GLMN: variants seen among roughly 807,000 people sequenced by gnomAD.
GLMN encodes glomulin.
Under a neutral mutation model 87.8 loss-of-function variants are expected in GLMN, and 75 were observed. The observed-to-expected ratio is 0.85, with a 90% CI of 0.71 to 1.04. GLMN has a LOEUF of 1.04. Ranked by LOEUF, GLMN falls within the 50% of genes least tolerant of loss-of-function variation. GLMN has a pLI of 0.00. For synonymous variants in GLMN, 206 were observed against 221.6 expected (o/e 0.93, Z 0.63); for missense variants, 588 against 658.8 (o/e 0.89, Z 1.18).
upstream of GLMN, among the ~76,000 whole-genome samples, chr1:92,302,703 G>A (rs565344602): frequency 2.3e-3 from 313 of 138,702 alleles, no homozygotes; most frequent in African/African-American, 7.9e-3. Context: ...CCGTGTTCAC[G>A]CCATTCTCCT....
the GLMN span, among the ~76,000 whole-genome samples, chr1:92,306,084 T>C: frequency 1.4e-3 from 215 of 152,336 alleles, no homozygotes; most frequent in African/African-American, 5.0e-3. Context: ...ACAAGGTGGA[T>C]GAACCTTGAA....
chr1:92,321,463 T>C, the GLMN span, among the ~76,000 whole-genome samples: 1 of 150,658 alleles, frequency 6.6e-6, no homozygotes, highest in South Asian at 2.1e-4. Flanking sequence ...TTTCAACTTT[T>C]ATATATATAT....
the GLMN span, chr1:92,336,331 A>T: frequency 6.3e-7 from 1 of 1,581,870 alleles, no homozygotes; most frequent in African/African-American, 1.4e-5. Flanking sequence ...AATAAATGTA[A>T]TTTTTAAATT....
chr1:92,339,858 T>A, the GLMN span, among the ~76,000 whole-genome samples: 5 of 152,146 alleles, frequency 3.3e-5, no homozygotes, highest in African/African-American at 1.2e-4. Context: ...TGGCTCTAAG[T>A]CCCTTCTAGT....
intron 7 of GLMN, among the ~76,000 whole-genome samples, chr1:92,281,020 T>C (rs781717347): frequency 6.6e-6 from 1 of 152,076 alleles, no homozygotes; most frequent in Non-Finnish European, 1.5e-5. Context: ...ACAGGGAGAA[T>C]GGAACAAAGT....
At chr1:92,321,136 G>A in the GLMN span, among the ~76,000 whole-genome samples, 2 of 152,144 alleles carry the variant, frequency 1.3e-5, no homozygotes, top group African/African-American at 4.8e-5. Flanking sequence ...TTAACTCTCA[G>A]AATAAATGTT....
At chr1:92,269,866 C>T (rs1656054237) in intron 8 of GLMN, 90 bp from the exon 9 acceptor site, 1 of 876,472 alleles carries the variant, frequency 1.1e-6, no homozygotes, top group Non-Finnish European at 1.9e-6. Flanking sequence ...AATTGTATCT[C>T]CCCCAAAAAA....
chr1:92,264,877 T>C (rs1232416602), intron 13 of GLMN, among the ~76,000 whole-genome samples: 1 of 152,248 alleles, frequency 6.6e-6, no homozygotes, highest in East Asian at 1.9e-4. Context: ...AGTCTCGCCC[T>C]GTCGCCCAGG....
chr1:92,323,473 T>C, the GLMN span: 13 of 1,609,406 alleles, frequency 8.1e-6, no homozygotes, highest in South Asian at 4.4e-5. Context: ...AGTACAGTTA[T>C]GCAGTAAAGC....
chr1:92,326,452 T>C, the GLMN span, among the ~76,000 whole-genome samples: 1 of 152,094 alleles, frequency 6.6e-6, no homozygotes, highest in Non-Finnish European at 1.5e-5. Context: ...TGCCAGAAGG[T>C]GGCACTTTCA....
chr1:92,269,796 A>T lies in GLMN; in HGVS notation c.924-20T>A. 6.9e-7 allele frequency: 1 copy of T among 1,446,100 alleles called. No individual in the cohort carries two copies. Among genetic ancestry groups the T allele is most frequent in the Non-Finnish European group, 9.7e-7 (1 of 1,027,804 alleles). The allele number at this position is 1,446,100 out of a possible 1,614,324, so 89.6% of individuals were successfully genotyped here. A position where few individuals can be genotyped will look rare whatever the true frequency, so the allele number is the denominator to read the frequency against. On this transcript the variant is annotated intron_variant, in intron 8 of 18. Coordinates refer to ENST00000370360, the MANE Select transcript of GLMN (RefSeq NM_053274.3). ...AATGGGCTAAAATAGAAACAAAACA[A>T]ATATATATATTATACACACACACAG...
the GLMN span, among the ~76,000 whole-genome samples, chr1:92,368,220 A>C: frequency 6.6e-6 from 1 of 152,120 alleles, no homozygotes; most frequent in Non-Finnish European, 1.5e-5. Context: ...CTCTAATAAA[A>C]ATACATAAAT....
At chr1:92,333,207 A>G in the GLMN span, 8 of 548,824 alleles carry the variant, frequency 1.5e-5, no homozygotes, top group Non-Finnish European at 2.6e-5. Context: ...AAATGACTCA[A>G]AGAAGTTCAC....
chr1:92,361,094 T>A, the GLMN span, among the ~76,000 whole-genome samples: 2 of 105,184 alleles, frequency 1.9e-5, no homozygotes, highest in East Asian at 3.2e-4. Context: ...ATATATATAA[T>A]ATATATATAC....
chr1:92,267,943 T>A lies in GLMN; in HGVS notation c.1068A>T (p.Leu356Phe). ...GTACAGTAAGAAAACTCTTGATTTC[T>A]AAGTACTGGTAAAGTAGACTATTGT... ...IEDNSLLYQYLEIKSFLTVPQ... is the reference protein window; with the variant it reads ...IEDNSLLYQYFEIKSFLTVPQ... Residue 356 changes from leucine (L) to phenylalanine (F), a missense_variant, in exon 11 of 19, where the codon TTA (leucine) becomes TTT (phenylalanine). Coordinates refer to ENST00000370360, the MANE Select transcript of GLMN (RefSeq NM_053274.3). The A allele has an allele frequency of 1.3e-6, 2 of 1,536,522 alleles. No homozygotes were observed. Among genetic ancestry groups the A allele is most frequent in the South Asian group, 2.2e-5 (2 of 89,370 alleles).
chr1:92,335,167 G>A, the GLMN span, among the ~76,000 whole-genome samples: 8 of 151,756 alleles, frequency 5.3e-5, no homozygotes, highest in Admixed American at 4.6e-4. Flanking sequence ...ACTGTATGAG[G>A]GTTCCCTTTT....
At chr1:92,312,343 A>G in the GLMN span, among the ~76,000 whole-genome samples, 1 of 151,986 alleles carries the variant, frequency 6.6e-6, no homozygotes, top group Non-Finnish European at 1.5e-5. Context: ...TCACTTGAGC[A>G]TAGGAGTTCA....
the GLMN span, among the ~76,000 whole-genome samples, chr1:92,351,696 G>A: frequency 4.6e-5 from 7 of 152,122 alleles, no homozygotes; most frequent in African/African-American, 1.7e-4. Flanking sequence ...GAAACGTCCA[G>A]ACCAAAACTG....
At chr1:92,280,286 T>C (rs1647866414) in intron 7 of GLMN, among the ~76,000 whole-genome samples, 1 of 152,138 alleles carries the variant, frequency 6.6e-6, no homozygotes, top group South Asian at 2.1e-4. Context: ...GCAGCAATAT[T>C]TGCTCTTCTG....
Sources: gnomAD v4.1 joint callset for allele counts (sites outside exome capture counted in the v4.1 genomes callset) on GRCh38, gnomAD v4.1.1 for gene constraint, MANE v1.5 for transcripts, NCBI Gene and HGNC (gene_info 2026-07-23, HGNC 2026-07-21) for gene names.